Variants in HNF4A observed in about 807,000 individuals in gnomAD.
The protein encoded by HNF4A is hepatocyte nuclear factor 4 alpha.
A neutral mutation model predicts 52.4 loss-of-function variants in HNF4A; 15 were observed. The ratio of observed to expected loss-of-function variants is 0.29; its 90% CI spans 0.19 to 0.44. HNF4A has a LOEUF of 0.44. HNF4A is among the 20% of genes least tolerant of loss of function. HNF4A has a pLI of 1.00. For synonymous variants in HNF4A, 280 were observed against 264.4 expected (o/e 1.06, Z -0.57); for missense variants, 479 against 647.2 (o/e 0.74, Z 2.82).
intron 1 of HNF4A, chr20:44,390,539 C>A: frequency 1.5e-6 from 1 of 688,266 alleles, no homozygotes; most frequent in Non-Finnish European, 2.6e-6. Context: ...CTCTGCCCAG[C>A]GGCCCTCGCA....
Position 44,428,201 on chromosome 20 carries a change from A to C in HNF4A, c.1130-134A>C. 3.4e-6 allele frequency: 3 copies of C among 887,842 alleles called. No homozygotes were observed. In the East Asian group the frequency reaches 7.5e-5, roughly 22 times the overall value. The allele number at this position is 887,842 out of a possible 1,614,324, so 55.0% of individuals were successfully genotyped here. ...ATGGTACACCCTAGTTTACTAACCC[A>C]GGAATAGGTACCCAACAGGCACTGC... On this transcript the variant is annotated intron_variant, in intron 8 of 9. Transcript: ENST00000316099.
intron 1 of HNF4A, among the ~76,000 whole-genome samples, chr20:44,381,922 T>C (rs933798153): frequency 8.5e-5 from 13 of 152,232 alleles, no homozygotes; most frequent in African/African-American, 3.1e-4. Flanking sequence ...GAAAGTACTT[T>C]GAATTGAGTA....
rs2063858058 is a variant in HNF4A at position 44,429,875 on chromosome 20, G to C, written c.*210G>C. ...GCTCTGGATAACAAGACTTTGACTT[G>C]GGGAGACCTCTACTGCCTTGGACAA... On this transcript the variant is annotated 3_prime_UTR_variant, in exon 10 of 10. Coordinates refer to ENST00000316099, the MANE Select transcript of HNF4A (RefSeq NM_000457.6). The C allele has an allele frequency of 3.4e-6, 2 of 596,620 alleles. No homozygotes were observed. Among genetic ancestry groups the C allele is most frequent in the South Asian group, 4.1e-5 (2 of 48,766 alleles). The allele number at this position is 596,620 out of a possible 1,614,324, so 37.0% of individuals were successfully genotyped here.
upstream of HNF4A, among the ~76,000 whole-genome samples, chr20:44,399,894 C>T (rs910454265): frequency 5.3e-5 from 8 of 152,212 alleles, no homozygotes; most frequent in African/African-American, 1.9e-4. Flanking sequence ...CACCGAGGCC[C>T]TCCAACCTGC....
chr20:44,375,099 T>C (rs1007110819), intron 1 of HNF4A, among the ~76,000 whole-genome samples: 2 of 151,440 alleles, frequency 1.3e-5, no homozygotes, highest in African/African-American at 2.4e-5. Context: ...TGTGAGATGG[T>C]ATCTCACGAT....
upstream of HNF4A, among the ~76,000 whole-genome samples, chr20:44,396,897 G>A (rs547378853): frequency 5.9e-5 from 9 of 152,220 alleles, no homozygotes; most frequent in Non-Finnish European, 1.2e-4. Context: ...CACAAGGTCT[G>A]TGGTTTATTC....
intron 1 of HNF4A, among the ~76,000 whole-genome samples, chr20:44,371,316 C>T (rs1416375918): frequency 6.6e-6 from 1 of 152,164 alleles, no homozygotes; most frequent in East Asian, 1.9e-4. Context: ...TCAATCTTGT[C>T]GCCGAGGCTG....
intron 5 of HNF4A, 109 bp downstream of exon 5, chr20:44,414,771 T>A: frequency 9.4e-7 from 1 of 1,065,772 alleles, no homozygotes; most frequent in Non-Finnish European, 1.4e-6. Flanking sequence ...TTATTTTATT[T>A]AACAAAATAT....
In HNF4A at chr20:44,429,705, G is replaced by C. The variant is rs765022455; in HGVS notation, c.*40G>C. 115 of 1,606,872 alleles carry C rather than the reference G, an allele frequency of 7.2e-5. No individual in the cohort carries two copies. The highest frequency in any genetic ancestry group is 9.6e-5 in the Non-Finnish European group (113 of 1,174,052). On this transcript the variant is annotated 3_prime_UTR_variant, in exon 10 of 10. Transcript: ENST00000316099. ...TTGGGGGCTCCACTGGCTCCCCCCA[G>C]CCCCCTAAGAGAGCACCTGGTGATC...
chr20:44,368,896 C>G (rs2063000770), intron 1 of HNF4A, among the ~76,000 whole-genome samples: 1 of 152,132 alleles, frequency 6.6e-6, no homozygotes, highest in African/African-American at 2.4e-5. Flanking sequence ...ACGTCTATAA[C>G]TAAAAAATCA....
chr20:44,363,211 AC>A (rs1340979474), intron 1 of HNF4A, among the ~76,000 whole-genome samples: 1 of 152,104 alleles, frequency 6.6e-6, no homozygotes, highest in Non-Finnish European at 1.5e-5. Flanking sequence ...TGATGATAAT[AC>A]CATTTACTTC....
At chr20:44,395,925 C>T (rs1600688397) in intron 1 of HNF4A, among the ~76,000 whole-genome samples, 1 of 152,148 alleles carries the variant, frequency 6.6e-6, no homozygotes, top group East Asian at 1.9e-4. Flanking sequence ...AGATGCCAAG[C>T]AGCCCTGGGG....
At chr20:44,423,091 C>T (rs2063769257) in intron 7 of HNF4A, among the ~76,000 whole-genome samples, 1 of 152,064 alleles carries the variant, frequency 6.6e-6, no homozygotes, top group Non-Finnish European at 1.5e-5. Flanking sequence ...CTGAGGCAGG[C>T]AGATTACTTG....
At chr20:44,411,466 G>A (rs1412592189) in intron 3 of HNF4A, among the ~76,000 whole-genome samples, 1 of 151,104 alleles carries the variant, frequency 6.6e-6, no homozygotes, top group African/African-American at 2.4e-5. Flanking sequence ...CATTCCGCCC[G>A]CCGGCCACTC....
Position 44,407,491 on chromosome 20 carries a change from C to G in HNF4A, c.385+16C>G, listed in dbSNP as rs1202200654. 1 of 1,534,036 alleles carries G rather than the reference C, an allele frequency of 6.5e-7. No individual in the cohort carries two copies. Among genetic ancestry groups the G allele is most frequent in the South Asian group, 1.2e-5 (1 of 85,544 alleles). Reference sequence around the variant, plus strand: ...AAGAAGGAAGGTGAGCCTCGGCCCTCCCCGCCCCACCACCACTGCCCCACC... The same window carrying G: ...AAGAAGGAAGGTGAGCCTCGGCCCTGCCCGCCCCACCACCACTGCCCCACC... On this transcript the variant is annotated intron_variant, in intron 3 of 9. Transcript: ENST00000316099.
chr20:44,365,377 T>G (rs1018538914), intron 1 of HNF4A, among the ~76,000 whole-genome samples: 1 of 152,090 alleles, frequency 6.6e-6, no homozygotes, highest in Admixed American at 6.6e-5. Context: ...TCTTGCTGTG[T>G]TGCACAGGCT....
intron 1 of HNF4A, among the ~76,000 whole-genome samples, chr20:44,371,042 C>T (rs1012469571): frequency 3.3e-5 from 5 of 152,164 alleles, no homozygotes; most frequent in African/African-American, 9.7e-5. Flanking sequence ...AGAGAGCAGG[C>T]GGCCCTGCCC....
At chr20:44,378,271 A>ATT (rs71195543) in intron 1 of HNF4A, among the ~76,000 whole-genome samples, 76 of 138,554 alleles carry the variant, frequency 5.5e-4, no homozygotes, top group Middle Eastern at 3.8e-3. Context: ...TTATGCATGT[A>ATT]TTTTTTTTTT....
intron 1 of HNF4A, among the ~76,000 whole-genome samples, chr20:44,359,615 G>A (rs2062895911): frequency 6.6e-6 from 1 of 152,128 alleles, no homozygotes; most frequent in Non-Finnish European, 1.5e-5. Context: ...TAACTTTCTG[G>A]CCTGGAAGAT....
Sources: allele counts gnomAD v4.1 joint callset (sites outside exome capture counted in the v4.1 genomes callset), GRCh38; gene constraint gnomAD v4.1.1; transcripts MANE v1.5; gene names NCBI Gene and HGNC (gene_info 2026-07-23, HGNC 2026-07-21).